The following HOXA2 variants were observed in gnomAD, a reference collection of about 807,000 sequenced individuals.
HOXA2 encodes the protein homeobox protein Hox-A2.
Under a neutral mutation model 27.2 loss-of-function variants are expected in HOXA2, and 4 were observed. That is an observed-to-expected ratio of 0.15 (90% CI 0.07 to 0.34). HOXA2 has a LOEUF of 0.34. Ranked by LOEUF, HOXA2 falls within the 10% of genes least tolerant of loss-of-function variation. The pLI is 1.00. For missense variants in HOXA2, 430 were observed against 473.2 expected (o/e 0.91, Z 0.85); for synonymous variants, 200 against 202.8 (o/e 0.99, Z 0.12).
chr7:27,101,884 C>T (rs999046246), intron 1 of HOXA2: 6 of 733,410 alleles, frequency 8.2e-6, no homozygotes, highest in Middle Eastern at 2.2e-4. Context: ...GGAAAGTTTC[C>T]CCCCACTTCC....
Position 27,100,612 on chromosome 7 carries a change from A to T in HOXA2, c.*114T>A, listed in dbSNP as rs1287831271. ...ACAGAAAATCCTCAACACTTAAAGG[A>T]GGGAAGGGGTAGGTCAAGAAGAAAA... On this transcript the variant is annotated 3_prime_UTR_variant, in exon 2 of 2. Transcript: ENST00000222718. 6 of 1,098,138 alleles carry T rather than the reference A, an allele frequency of 5.5e-6. No individual in the cohort carries two copies. The highest frequency in any genetic ancestry group is 8.2e-6 in the Non-Finnish European group (6 of 728,952). The allele number at this position is 1,098,138 out of a possible 1,614,324, so 68.0% of individuals were successfully genotyped here. A position where few individuals can be genotyped will look rare whatever the true frequency, so the allele number is the denominator to read the frequency against.
rs1562704434 is a variant in HOXA2, at chr7:27,102,580, G to T, written c.-80C>A. The T allele has an allele frequency of 4.2e-6, 6 of 1,438,026 alleles. No homozygotes were observed. The highest frequency in any genetic ancestry group is 5.8e-6 in the Non-Finnish European group (6 of 1,033,732). The allele number at this position is 1,438,026 out of a possible 1,614,324, so 89.1% of individuals were successfully genotyped here. On this transcript the variant is annotated 5_prime_UTR_variant, in exon 1 of 2. Coordinates refer to ENST00000222718, the MANE Select transcript of HOXA2 (RefSeq NM_006735.4). The surrounding 1 kb of genome is among the most constrained non-coding windows in gnomAD (Gnocchi z 4.6). The stretch of plus-strand genomic sequence containing the variant: ...TGGGGGGGCAAGGCCTAGGAAAAAG[G>T]CGAGCGCAGAGGAAAAAAAATCTAT...
Position 27,102,655 on chromosome 7 carries a change from C to A in HOXA2, c.-155G>T. Reference sequence around the variant, plus strand: ...TTTTTTTCTAATTCACTGATTACAGCCGTATGGGGACCGCGCTACTATTAA... The same window carrying A: ...TTTTTTTCTAATTCACTGATTACAGACGTATGGGGACCGCGCTACTATTAA... On this transcript the variant is annotated 5_prime_UTR_variant, in exon 1 of 2. Coordinates refer to ENST00000222718, the MANE Select transcript of HOXA2 (RefSeq NM_006735.4). The surrounding 1 kb of genome is among the most constrained non-coding windows in gnomAD (Gnocchi z 4.6). 2 of 682,512 alleles carry A rather than the reference C, an allele frequency of 2.9e-6. No individual in the cohort carries two copies. Among genetic ancestry groups the A allele is most frequent in the South Asian group, 1.7e-5 (1 of 58,650 alleles). 42.3% of individuals were successfully genotyped at this position (682,512 alleles called of 1,614,324 possible).
In HOXA2 at chr7:27,101,140, G is replaced by C; in HGVS notation, c.717C>G (p.Val239=). The C allele has an allele frequency of 6.2e-7, 1 of 1,614,164 alleles. No individual in the cohort carries two copies. Among genetic ancestry groups the C allele is most frequent in the South Asian group, 1.1e-5 (1 of 91,072 alleles). ...CTTCCCTCTCCAGAAGGGCCCCAGAGACGCTAAGGGCTTGCTCAAAGAGCG... is the reference window on the plus strand; with the variant it reads ...CTTCCCTCTCCAGAAGGGCCCCAGACACGCTAAGGGCTTGCTCAAAGAGCG... ...EKTLFEQALS[V]SGALLEREGY... Residue 239 remains valine, a synonymous_variant, in exon 2 of 2, where the codon GTC becomes GTG. Coordinates refer to ENST00000222718, the MANE Select transcript of HOXA2 (RefSeq NM_006735.4).
chr7:27,101,824 G>C (rs1260005097), intron 1 of HOXA2: 4 of 695,378 alleles, frequency 5.8e-6, no homozygotes, highest in Admixed American at 4.0e-5. Flanking sequence ...AACTAGACAG[G>C]AGGAGGTCAG....
At position 27,100,801 on chromosome 7, in the gene HOXA2, T is replaced by G. The variant is rs774959924; in HGVS notation, c.1056A>C (p.Val352=). The change falls in exon 2 of 2, where the codon GTA becomes GTC. Residue 352 remains valine (V), a synonymous_variant. Transcript: ENST00000222718. ...AGTCTAAGCTGTCAGCTGAAATATC[T>G]ACGGGACTGTCGAGGGAACCTGGCA... ...PSLPGSLDSP[V]DISADSLDFF... 4 of 1,614,256 alleles carry G rather than the reference T, an allele frequency of 2.5e-6. No individual in the cohort carries two copies. Among genetic ancestry groups the G allele is most frequent in the Non-Finnish European group, 2.5e-6 (3 of 1,180,038 alleles).
chr7:27,101,723 CA>C (rs754104845), intron 1 of HOXA2: 1 of 660,110 alleles, frequency 1.5e-6, no homozygotes, highest in South Asian at 1.7e-5. Context: ...ATATTAGCCA[CA>C]ACACAATTTA....
At chr7:27,101,594 C>G (rs1427376481) in intron 1 of HOXA2, 129 bp from the exon 2 acceptor site, 2 of 1,061,776 alleles carry the variant, frequency 1.9e-6, no homozygotes, top group African/African-American at 3.1e-5. Flanking sequence ...CCCCTGGATG[C>G]AGTAGAGCTA....
Position 27,101,899 on chromosome 7 carries a change from AAT to A in HOXA2, c.391+209_391+210del, listed in dbSNP as rs1220614206. ...GGAAAGTTTCCCCCCACTTCCTAAA[AAT>A]ATATATGTCTCATTGTAGAGCGCAG... On this transcript the variant is annotated intron_variant, in intron 1 of 1. Transcript: ENST00000222718. 5.3e-6 allele frequency: 4 copies of A among 760,562 alleles called. No individual in the cohort carries two copies. The South Asian group carries it at 5.9e-5, about 11-fold the overall frequency. 47.1% of individuals were successfully genotyped at this position (760,562 alleles called of 1,614,324 possible).
In HOXA2 at chr7:27,102,558, G is replaced by T. The variant is rs143688829; in HGVS notation, c.-58C>A. Reference sequence around the variant, plus strand: ...GTTCCCTCTTTTGGAGGGGCTTTGGGGGGGCAAGGCCTAGGAAAAAGGCGA... The same window carrying T: ...GTTCCCTCTTTTGGAGGGGCTTTGGTGGGGCAAGGCCTAGGAAAAAGGCGA... On this transcript the variant is annotated 5_prime_UTR_variant, in exon 1 of 2. Transcript: ENST00000222718. The surrounding 1 kb of genome is among the most constrained non-coding windows in gnomAD (Gnocchi z 4.6). The T allele has an allele frequency of 1.9e-6, 3 of 1,558,388 alleles. No individual in the cohort carries two copies. Among genetic ancestry groups the T allele is most frequent in the African/African-American group, 1.4e-5 (1 of 74,016 alleles).
In HOXA2 at chr7:27,101,021, C is replaced by T. The variant is rs1675270122; in HGVS notation, c.836G>A (p.Ser279Asn). ...AAAATGTTTCAGATTTTTCTCATTG[C>T]TGGTTAAAGGCGAGACTGGGAAACT... ...SQSFPVSPLT[S>N]NEKNLKHFQH... Residue 279 changes from serine (S) to asparagine (N), a missense_variant, in exon 2 of 2, where the codon AGC becomes AAC. By Grantham distance (46) the Ser-to-Asn change is conservative. Around this residue, in one of 4 missense-constraint regions of HOXA2, gnomAD observed 236 missense variants for 208.5 expected, o/e 1.13. Transcript: ENST00000222718. The T allele has an allele frequency of 6.2e-7, 1 of 1,614,064 alleles. No homozygotes were observed. Among genetic ancestry groups the T allele is most frequent in the African/African-American group, 1.3e-5 (1 of 74,928 alleles).
Position 27,101,146 on chromosome 7 carries a change from A to C in HOXA2, c.711T>G (p.Leu237=). The C allele has an allele frequency of 6.2e-7, 1 of 1,614,096 alleles. No individual in the cohort carries two copies. The highest frequency in any genetic ancestry group is 1.1e-5 in the South Asian group (1 of 91,070). ...TCTCCAGAAGGGCCCCAGAGACGCT[A>C]AGGGCTTGCTCAAAGAGCGTCTTCT... ...EEEKTLFEQA[L]SVSGALLERE... is the part of the protein sequence containing the mutation. Residue 237 remains leucine (L), a synonymous_variant, in exon 2 of 2, where the codon CTT becomes CTG. Transcript: ENST00000222718.
Position 27,100,914 on chromosome 7 carries a change from C to G in HOXA2, c.943G>C (p.Glu315Gln). The change falls in exon 2 of 2, where the codon GAG (glutamate) becomes CAG (glutamine). Residue 315 changes from glutamate to glutamine, a missense_variant. Transcript: ENST00000222718. ...TGCAAAGAGGGGACCTCAAGGGCCT[C>G]AGGACTGTCATTGTTTAGGCCAGCT... ...CGAGLNNDSPEALEVPSLQDF... is the reference protein window; with the variant it reads ...CGAGLNNDSPQALEVPSLQDF... 1 of 1,614,228 alleles carries G rather than the reference C, an allele frequency of 6.2e-7. No homozygotes were observed. Among genetic ancestry groups the G allele is most frequent in the South Asian group, 1.1e-5 (1 of 91,086 alleles).
chr7:27,101,934 T>C (rs889168910), intron 1 of HOXA2, 176 bp downstream of exon 1: 18 of 877,766 alleles, frequency 2.1e-5, no homozygotes, highest in Admixed American at 1.8e-4. Flanking sequence ...CAGGATCCCC[T>C]TTCCTCTCCA....
At chr7:27,101,593 G>A in intron 1 of HOXA2, 128 bp from the exon 2 acceptor site, 1 of 1,063,926 alleles carries the variant, frequency 9.4e-7, no homozygotes, top group South Asian at 1.3e-5. Context: ...GCCCCTGGAT[G>A]CAGTAGAGCT....
chr7:27,102,388 T>G lies in HOXA2; in HGVS notation c.113A>C (p.Lys38Thr). ...VADTFQSSSI[K>T]TSTLSHSTLI... Reference sequence around the variant, plus strand: ...TGTCGAGTGTGAAAGCGTCGAGGTCTTGATTGATGAACTTTGAAATGTATC... The same window carrying G: ...TGTCGAGTGTGAAAGCGTCGAGGTCGTGATTGATGAACTTTGAAATGTATC... Residue 38 changes from lysine to threonine, a missense_variant, in exon 1 of 2, where the codon AAG becomes ACG. Coordinates refer to ENST00000222718, the MANE Select transcript of HOXA2 (RefSeq NM_006735.4). The surrounding 1 kb of genome is among the most constrained non-coding windows in gnomAD (Gnocchi z 4.6). 1 of 1,614,110 alleles carries G rather than the reference T, an allele frequency of 6.2e-7. No individual in the cohort carries two copies. The highest frequency in any genetic ancestry group is 2.2e-5 in the East Asian group (1 of 44,864).
At position 27,100,369 on chromosome 7, in the gene HOXA2, A is replaced by G. The variant is rs886062263; in HGVS notation, c.*357T>C. The G allele has an allele frequency of 1.3e-5, 3 of 226,628 alleles. No individual in the cohort carries two copies. The highest frequency in any genetic ancestry group is 1.8e-5 in the Non-Finnish European group (2 of 113,658). The allele number at this position is 226,628 out of a possible 1,614,324, so 14.0% of individuals were successfully genotyped here. ...AAAAATAAGCTACTTATAGCAAAGGAGAATTTATTCTACAAAAAATATGCA... is the reference window on the plus strand; with the variant it reads ...AAAAATAAGCTACTTATAGCAAAGGGGAATTTATTCTACAAAAAATATGCA... On this transcript the variant is annotated 3_prime_UTR_variant, in exon 2 of 2. Coordinates refer to ENST00000222718, the MANE Select transcript of HOXA2 (RefSeq NM_006735.4).
At chr7:27,101,631 C>T in intron 1 of HOXA2, 166 bp from the exon 2 acceptor site, 2 of 793,260 alleles carry the variant, frequency 2.5e-6, no homozygotes, top group Non-Finnish European at 4.2e-6. Context: ...GGGAGCCCAG[C>T]CTGGGCAGAC....
At position 27,100,978 on chromosome 7, in the gene HOXA2, A is replaced by C. The variant is rs761354200; in HGVS notation, c.879T>G (p.Thr293=). 2.0e-5 allele frequency: 32 copies of C among 1,614,128 alleles called. No homozygotes were observed. In the Middle Eastern group the frequency reaches 4.9e-4, roughly 25 times the overall value. The part of the protein sequence containing the change: ...NLKHFQHQSP[T]VPNCLSTMGQ... ...CCATTGTTGACAAGCAGTTGGGAAC[A>C]GTGGGTGACTGGTGCTGAAAATGTT... Residue 293 remains threonine (T), a synonymous_variant, in exon 2 of 2, where the codon ACT becomes ACG. Coordinates refer to ENST00000222718, the MANE Select transcript of HOXA2 (RefSeq NM_006735.4).
Sources: gnomAD v4.1 joint callset for allele counts on GRCh38, gnomAD v4.1.1 for gene constraint, gnomAD v4.1.1 regional missense constraint, Gnocchi (gnomAD v3.1) non-coding constraint, MANE v1.5 for transcripts, NCBI Gene and HGNC (gene_info 2026-07-23, HGNC 2026-07-21) for gene names.